Variants in CLVS1 observed in about 807,000 individuals in gnomAD.
CLVS1 encodes clavesin-1.
In CLVS1, 10 loss-of-function variants were observed where a neutral mutation model predicts 33.1. That is an observed-to-expected ratio of 0.30 (90% CI 0.19 to 0.51). The LOEUF is 0.51. CLVS1 is among the 20% of genes least tolerant of loss of function. The pLI is 0.97. For missense variants in CLVS1, 343 were observed against 433.4 expected (o/e 0.79, Z 1.85); for synonymous variants, 163 against 166.1 (o/e 0.98, Z 0.14).
At chr8:61,272,497 T>A (rs1396095929) in intron 2 of CLVS1, among the ~76,000 whole-genome samples, 1 of 152,148 alleles carries the variant, frequency 6.6e-6, no homozygotes, top group Non-Finnish European at 1.5e-5. Flanking sequence ...TTGAGGAGTA[T>A]CTTTGTGGTG....
intron 2 of CLVS1, among the ~76,000 whole-genome samples, chr8:61,141,196 T>A (rs1201329256): frequency 1.3e-5 from 2 of 152,214 alleles, no homozygotes; most frequent in Admixed American, 1.3e-4. Context: ...TTAACTTCCC[T>A]TTTTTCATCC....
intron 1 of CLVS1, among the ~76,000 whole-genome samples, chr8:61,074,325 G>A (rs945076466): frequency 3.4e-5 from 5 of 147,974 alleles, no homozygotes; most frequent in South Asian, 2.1e-4. Flanking sequence ...TCAACAGAGC[G>A]AGACCCTGTC....
At chr8:61,228,200 T>A in intron 2 of CLVS1, among the ~76,000 whole-genome samples, 1 of 152,178 alleles carries the variant, frequency 6.6e-6, no homozygotes. Flanking sequence ...AATTGACAAG[T>A]AAAAAATATA....
At chr8:61,132,374 G>C (rs368725663) in intron 2 of CLVS1, among the ~76,000 whole-genome samples, 2 of 152,194 alleles carry the variant, frequency 1.3e-5, no homozygotes, top group African/African-American at 2.4e-5. Context: ...GGCGGGAAAG[G>C]CTTTTCCAGA....
At chr8:61,002,640 T>A in the CLVS1 span, among the ~76,000 whole-genome samples, 1 of 152,178 alleles carries the variant, frequency 6.6e-6, no homozygotes, top group Admixed American at 6.5e-5. Flanking sequence ...TGTATGCTTG[T>A]TTAATCCAAG....
chr8:61,021,550 C>G, the CLVS1 span, among the ~76,000 whole-genome samples: 13 of 147,766 alleles, frequency 8.8e-5, no homozygotes, highest in Admixed American at 8.9e-4. Flanking sequence ...TTAGTAGAGA[C>G]GGGGTTTCAC....
At chr8:61,493,193 T>C (rs1006456866) in intron 5 of CLVS1, among the ~76,000 whole-genome samples, 1 of 152,216 alleles carries the variant, frequency 6.6e-6, no homozygotes, top group Non-Finnish European at 1.5e-5. Flanking sequence ...CTAGACTTCA[T>C]CCATTTTGAA....
chr8:61,191,535 C>T (rs960918638), intron 2 of CLVS1, among the ~76,000 whole-genome samples: 5 of 152,108 alleles, frequency 3.3e-5, no homozygotes, highest in African/African-American at 1.2e-4. Flanking sequence ...GGCAATTAGG[C>T]AGGAGAAAGA....
intron 2 of CLVS1, among the ~76,000 whole-genome samples, chr8:61,367,104 T>G (rs1289431166): frequency 6.6e-6 from 1 of 152,108 alleles, no homozygotes; most frequent in East Asian, 1.9e-4. Flanking sequence ...ATTATTTCCA[T>G]TCAACTCTCA....
intron 2 of CLVS1, among the ~76,000 whole-genome samples, chr8:61,301,564 G>T (rs901945249): frequency 6.6e-6 from 1 of 152,182 alleles, no homozygotes; most frequent in Non-Finnish European, 1.5e-5. Context: ...GACAAGCTCT[G>T]CTAAGCATAA....
chr8:61,213,993 T>C (rs989528641), intron 2 of CLVS1, among the ~76,000 whole-genome samples: 5 of 152,154 alleles, frequency 3.3e-5, no homozygotes, highest in Middle Eastern at 3.2e-3. Flanking sequence ...ACTCAAGGTG[T>C]GCCCGTCTCT....
At chr8:61,039,493 G>A in the CLVS1 span, among the ~76,000 whole-genome samples, 6 of 151,938 alleles carry the variant, frequency 3.9e-5, no homozygotes, top group African/African-American at 7.2e-5. Flanking sequence ...GGTTTCCACC[G>A]GTTAATTGTT....
At chr8:61,371,345 C>A (rs1358965999) in intron 2 of CLVS1, among the ~76,000 whole-genome samples, 1 of 151,988 alleles carries the variant, frequency 6.6e-6, no homozygotes, top group Non-Finnish European at 1.5e-5. Flanking sequence ...AATTATTTGT[C>A]TTTTTCTTGC....
intron 2 of CLVS1, among the ~76,000 whole-genome samples, chr8:61,184,918 A>G (rs1369991087): frequency 6.6e-6 from 1 of 152,210 alleles, no homozygotes; most frequent in Non-Finnish European, 1.5e-5. Context: ...TTCATAACAT[A>G]TAATTTTTAA....
At chr8:61,429,629 G>C (rs998497034) in intron 3 of CLVS1, among the ~76,000 whole-genome samples, 6 of 152,082 alleles carry the variant, frequency 3.9e-5, no homozygotes, top group African/African-American at 1.2e-4. Context: ...AACTTTGGGA[G>C]ACACATTCAA....
chr8:61,205,180 G>T (rs1172048897), intron 2 of CLVS1, among the ~76,000 whole-genome samples: 1 of 152,168 alleles, frequency 6.6e-6, no homozygotes. Flanking sequence ...CCATTTTTAA[G>T]TTTACAGTTC....
intron 3 of CLVS1, among the ~76,000 whole-genome samples, chr8:61,400,293 C>A (rs1814698416): frequency 6.6e-6 from 1 of 152,028 alleles, no homozygotes; most frequent in African/African-American, 2.4e-5. Context: ...CTTTTTGTGG[C>A]AATTGTGAAT....
intron 3 of CLVS1, among the ~76,000 whole-genome samples, chr8:61,452,578 A>G (rs1195386862): frequency 1.3e-5 from 2 of 152,238 alleles, no homozygotes; most frequent in Non-Finnish European, 2.9e-5. Context: ...TTTAGATCCT[A>G]AACTATACCT....
At chr8:61,206,036 A>C (rs1807832432) in intron 2 of CLVS1, among the ~76,000 whole-genome samples, 1 of 152,208 alleles carries the variant, frequency 6.6e-6, no homozygotes, top group South Asian at 2.1e-4. Context: ...TCAATAAAGT[A>C]AGTATCTGTC....
Sources: allele counts gnomAD v4.1 joint callset (sites outside exome capture counted in the v4.1 genomes callset), GRCh38; gene constraint gnomAD v4.1.1; transcripts MANE v1.5; gene names NCBI Gene and HGNC (gene_info 2026-07-23, HGNC 2026-07-21).